SHANK2: variants seen among roughly 807,000 people sequenced by gnomAD.
The protein encoded by SHANK2 is SH3 and multiple ankyrin repeat domains protein 2.
A neutral mutation model predicts 133.7 loss-of-function variants in SHANK2; 43 were observed. That is an observed-to-expected ratio of 0.32 (90% CI 0.25 to 0.41). SHANK2 has a LOEUF of 0.41. Among genes scored for constraint, SHANK2 ranks in the 10% least tolerant of loss-of-function variants. SHANK2 has a pLI of 1.00. For synonymous variants in SHANK2, 1,017 were observed against 952.8 expected (o/e 1.07, Z -1.24); for missense variants, 1,994 against 2,235.8 (o/e 0.89, Z 2.18).
At chr11:70,577,583 T>C (rs937988722) in intron 17 of SHANK2, among the ~76,000 whole-genome samples, 11 of 152,282 alleles carry the variant, frequency 7.2e-5, no homozygotes, top group African/African-American at 2.6e-4. Context: ...AGGGGAATCA[T>C]CCTTTCCTGA....
Position 70,896,524 on chromosome 11 carries a change from TTGA to T in SHANK2, c.1148_1150del (p.Ile383del), listed in dbSNP as rs1555075722. 2.8e-6 allele frequency: 2 copies of T among 718,908 alleles called. No individual in the cohort carries two copies. The highest frequency in any genetic ancestry group is 3.0e-5 in the South Asian group (2 of 67,510). 44.5% of individuals were successfully genotyped at this position (718,908 alleles called of 1,614,324 possible). The stretch of plus-strand genomic sequence containing the variant: ...ACCAATGTCTGTTTCCTTGTGGTTC[TTGA>T]TGTATTCTGCCAGCTCAAAGTTGCC... On this transcript the variant is annotated inframe_deletion, in exon 11 of 26. Transcript: ENST00000601538.
At chr11:71,094,875 C>T (rs557222425) in intron 6 of SHANK2, among the ~76,000 whole-genome samples, 187 bp from the exon 7 acceptor site, 15 of 152,248 alleles carry the variant, frequency 9.9e-5, no homozygotes, top group South Asian at 2.1e-4. Context: ...CACCCCCGTG[C>T]GATGCAGTGA....
chr11:70,589,759 G>C (rs1377658903), intron 17 of SHANK2, among the ~76,000 whole-genome samples: 1 of 152,226 alleles, frequency 6.6e-6, no homozygotes, highest in Non-Finnish European at 1.5e-5. Flanking sequence ...ACATGAGCAG[G>C]AGTTGAGAAG....
chr11:70,951,041 C>T (rs550605300), intron 10 of SHANK2: 1 of 277,306 alleles, frequency 3.6e-6, no homozygotes, highest in East Asian at 1.1e-4. Flanking sequence ...TGGACACTCC[C>T]TTAACTGCAG....
intron 17 of SHANK2, among the ~76,000 whole-genome samples, chr11:70,551,216 A>G (rs2059763395): frequency 6.6e-6 from 1 of 152,168 alleles, no homozygotes; most frequent in African/African-American, 2.4e-5. Context: ...GGTGTTGCCT[A>G]TGATGTGGCT....
intron 17 of SHANK2, among the ~76,000 whole-genome samples, chr11:70,522,742 A>T (rs76476263): frequency 0.026 from 3,912 of 152,194 alleles, 88 homozygotes; most frequent in East Asian, 0.063. Context: ...TCCCTCAGTT[A>T]TTGCAGCCAT....
intron 17 of SHANK2, among the ~76,000 whole-genome samples, chr11:70,599,959 GAAAGAA>G (rs1169364429): frequency 5.5e-5 from 7 of 126,690 alleles, no homozygotes; most frequent in African/African-American, 2.1e-4. Context: ...AAGAAAGAAA[GAAAGAA>G]AGAAAGAAAA....
At chr11:71,094,417 T>C (rs1555094853) in intron 7 of SHANK2, 120 bp downstream of exon 7, 2 of 980,882 alleles carry the variant, frequency 2.0e-6, no homozygotes, top group African/African-American at 1.6e-5. Context: ...CACGGACTCC[T>C]AGGGTGGGCC....
intron 18 of SHANK2, 25 bp from the exon 19 acceptor site, chr11:70,502,311 G>A (rs1555158892): frequency 6.5e-7 from 1 of 1,545,494 alleles, no homozygotes; most frequent in Non-Finnish European, 8.7e-7. Context: ...AGAGATGGGT[G>A]TGAGACCCCA....
At chr11:71,105,850 G>A (rs1215264933) in intron 6 of SHANK2, among the ~76,000 whole-genome samples, 2 of 152,100 alleles carry the variant, frequency 1.3e-5, no homozygotes, top group African/African-American at 4.8e-5. Context: ...TCACTACTGG[G>A]TACAGCACCA....
At chr11:70,799,120 G>A (rs1192188156) in intron 13 of SHANK2, among the ~76,000 whole-genome samples, 1 of 152,166 alleles carries the variant, frequency 6.6e-6, no homozygotes, top group Admixed American at 6.5e-5. Flanking sequence ...GCAGAGGTCT[G>A]GGCGCGGTGG....
intron 10 of SHANK2, among the ~76,000 whole-genome samples, chr11:70,926,878 C>T (rs1450919963): frequency 2.0e-5 from 3 of 152,140 alleles, no homozygotes; most frequent in African/African-American, 2.4e-5. Flanking sequence ...ATAAGGAGGA[C>T]GAACTGTGCA....
intron 21 of SHANK2, among the ~76,000 whole-genome samples, chr11:70,499,185 A>AGG (rs1337310616): frequency 1.3e-5 from 2 of 152,252 alleles, no homozygotes. Context: ...CCCTAGAGGC[A>AGG]GGGGCTGTCA....
Position 70,830,607 on chromosome 11 carries a change from G to A in SHANK2, c.1175-9925C>T, listed in dbSNP as rs539246350. Among the ~76,000 whole-genome samples, 23 of 152,356 alleles carry A rather than the reference G, an allele frequency of 1.5e-4. No homozygotes were observed. The highest frequency in any genetic ancestry group is 4.6e-4 in the Admixed American group (7 of 15,304). On this transcript the variant is annotated intron_variant, in intron 11 of 25. Coordinates refer to ENST00000601538, the MANE Select transcript of SHANK2 (RefSeq NM_012309.5). The surrounding 1 kb of genome is among the most constrained non-coding windows in gnomAD (Gnocchi z 4.4). Reference sequence around the variant, plus strand: ...TTCCCATCTCTAAAACAAGTATTCCGAGGATGACCGAGCGCTAGTGGTTGA... The same window carrying A: ...TTCCCATCTCTAAAACAAGTATTCCAAGGATGACCGAGCGCTAGTGGTTGA...
intron 10 of SHANK2, among the ~76,000 whole-genome samples, chr11:70,946,688 A>G (rs1555085535): frequency 6.9e-6 from 1 of 144,038 alleles, no homozygotes; most frequent in Non-Finnish European, 1.5e-5. Context: ...TCCACTAACC[A>G]ACCCTTCCCA....
intron 17 of SHANK2, among the ~76,000 whole-genome samples, chr11:70,630,579 G>A (rs1555001769): frequency 6.6e-6 from 1 of 152,200 alleles, no homozygotes; most frequent in Non-Finnish European, 1.5e-5. Context: ...CCTGGAATAA[G>A]TGGGCCCTAA....
intron 2 of SHANK2, among the ~76,000 whole-genome samples, chr11:71,201,381 C>A (rs959903704): frequency 6.6e-6 from 1 of 152,346 alleles, no homozygotes; most frequent in Middle Eastern, 3.4e-3. Context: ...TGCTGCCCAC[C>A]GCTGCCCGCC....
At chr11:71,152,799 G>A (rs1295144578) in intron 2 of SHANK2, among the ~76,000 whole-genome samples, 1 of 152,182 alleles carries the variant, frequency 6.6e-6, no homozygotes, top group African/African-American at 2.4e-5. Flanking sequence ...ATCTGACTGG[G>A]AGGGTCTTGA....
chr11:70,793,264 C>T (rs1947834418), intron 14 of SHANK2, among the ~76,000 whole-genome samples: 1 of 152,170 alleles, frequency 6.6e-6, no homozygotes, highest in African/African-American at 2.4e-5. Context: ...ATAAAACCTG[C>T]ATATACAGAG....
Sources: gnomAD v4.1 joint callset for allele counts (sites outside exome capture counted in the v4.1 genomes callset) on GRCh38, gnomAD v4.1.1 for gene constraint, Gnocchi (gnomAD v3.1) non-coding constraint, MANE v1.5 for transcripts, NCBI Gene and HGNC (gene_info 2026-07-23, HGNC 2026-07-21) for gene names.